UTP4: variants seen among roughly 807,000 people sequenced by gnomAD.
The protein encoded by UTP4 is UTP4 small subunit processome component.
A neutral mutation model predicts 82.4 loss-of-function variants in UTP4; 45 were observed. The ratio of observed to expected loss-of-function variants is 0.55; its 90% confidence interval spans 0.43 to 0.70. The LOEUF is 0.70. Among genes scored for constraint, UTP4 ranks in the 30% least tolerant of loss-of-function variants. The pLI is 0.00. For missense variants in UTP4, 819 were observed against 858.3 expected, an observed-to-expected ratio of 0.95 and a Z score of 0.57; for synonymous variants, 348 against 300.3, an observed-to-expected ratio of 1.16 and a Z score of -1.64.
chr16:69,147,085 G>A lies in UTP4; in HGVS notation c.739-3452G>A, dbSNP rs1597140103. On this transcript the variant is annotated intron_variant, in intron 6 of 16. Coordinates refer to ENST00000314423, the MANE Select transcript of UTP4 (RefSeq NM_032830.3). ...CCAGCTACTTGGGAGGCTGAGGCGG[G>A]AGAATTGCTTGAACCCGGGAGATAG... Among the ~76,000 whole-genome samples the A allele has an allele frequency of 2.0e-5, 3 of 150,404 alleles. No individual in the cohort carries two copies. The South Asian group carries it at 6.3e-4, about 31-fold the overall frequency.
In UTP4 at chr16:69,165,405, G is replaced by A. The variant is rs778961205; in HGVS notation, c.1712G>A (p.Gly571Asp). ...TGGAGCCGGACTGTCCAGAAGCAGG[G>A]CTTTCACCACCTTTGGCTCCAAAGG... is the stretch of plus-strand genomic sequence containing the variant. The part of the protein sequence containing the change: ...TDWSRTVQKQ[G>D]FHHLWLQRDT... Residue 571 changes from glycine (G) to aspartate (D), a missense_variant, in exon 15 of 17, where the codon GGC (glycine) becomes GAC (aspartate). Transcript: ENST00000314423. 6.2e-7 allele frequency: 1 copy of A among 1,614,060 alleles called. No homozygotes were observed. Among genetic ancestry groups the A allele is most frequent in the Admixed American group, 1.7e-5 (1 of 60,000 alleles).
At chr16:69,165,866 T>G (rs1359505049) in intron 15 of UTP4, 1 of 423,802 alleles carries the variant, frequency 2.4e-6, no homozygotes, top group Non-Finnish European at 4.4e-6. Flanking sequence ...TCCGGAAGTA[T>G]CATTGATTTG....
At chr16:69,136,279 A>G (rs1962812434) in intron 2 of UTP4, among the ~76,000 whole-genome samples, 1 of 152,226 alleles carries the variant, frequency 6.6e-6, no homozygotes. Flanking sequence ...CTATAATCCC[A>G]GGACTTTGGG....
chr16:69,155,997 A>G lies in UTP4; in HGVS notation c.1287+4A>G, dbSNP rs201384904. On this transcript the variant is annotated splice_donor_region_variant and intron_variant, in intron 11 of 16. Coordinates refer to ENST00000314423, the MANE Select transcript of UTP4 (RefSeq NM_032830.3). ...TGACAACATAAGCCTCAAAAGGGTA[A>G]GTGATAGTCCAATATCTGGTCACAT... 1,416 of 1,614,198 alleles carry G rather than the reference A, an allele frequency of 8.8e-4. 16 individuals carry two copies. The Middle Eastern group carries it at 0.011, about 12-fold the overall frequency.
At chr16:69,147,696 A>G (rs980212544) in intron 6 of UTP4, among the ~76,000 whole-genome samples, 1 of 152,156 alleles carries the variant, frequency 6.6e-6, no homozygotes, top group Non-Finnish European at 1.5e-5. Context: ...TATACAAGAA[A>G]TGCATTTATG....
chr16:69,161,702 G>A (rs1395999326), intron 13 of UTP4, among the ~76,000 whole-genome samples: 5 of 152,156 alleles, frequency 3.3e-5, no homozygotes, highest in Admixed American at 3.3e-4. Flanking sequence ...GTTTCACTCT[G>A]TCACCCAGAC....
intron 6 of UTP4, among the ~76,000 whole-genome samples, chr16:69,148,055 G>A (rs975731996): frequency 6.6e-6 from 1 of 151,828 alleles, no homozygotes; most frequent in Non-Finnish European, 1.5e-5. Context: ...CCTGGTTCAC[G>A]CCCCATTCTC....
intron 8 of UTP4, among the ~76,000 whole-genome samples, chr16:69,152,675 G>A (rs1243580531): frequency 6.6e-6 from 1 of 151,960 alleles, no homozygotes; most frequent in East Asian, 1.9e-4. Context: ...GTTTCACCAT[G>A]TTGGCCAGGC....
At chr16:69,139,949 T>C in intron 5 of UTP4, 35 bp downstream of exon 5, 4 of 1,449,574 alleles carry the variant, frequency 2.8e-6, no homozygotes, top group Non-Finnish European at 3.9e-6. Flanking sequence ...GGGGTGTGGG[T>C]TTTGTCAGAT....
At position 69,143,351 on chromosome 16, in the gene UTP4, A is replaced by C; in HGVS notation, c.700A>C (p.Ile234Leu). 2 of 1,614,190 alleles carry C rather than the reference A, an allele frequency of 1.2e-6. No individual in the cohort carries two copies. Among genetic ancestry groups the C allele is most frequent in the Non-Finnish European group, 1.7e-6 (2 of 1,180,028 alleles). The change falls in exon 6 of 17, where the codon ATC becomes CTC. Residue 234 changes from isoleucine to leucine, a missense_variant. Ile to Leu is a conservative substitution (Grantham distance 5, BLOSUM62 2). Transcript: ENST00000314423. ...ATGTLVKSHL[I>L]ANADVQSIAV... ...TGGGACGCTTGTGAAGAGCCATCTC[A>C]TCGCTAATGCTGACGTGCAGTCCAT...
Position 69,167,414 on chromosome 16 carries a change from A to C in UTP4, c.1944+229A>C, listed in dbSNP as rs1375007824. ...CATACTTAACCAAAATGAAATGCGT[A>C]AGTAGTGAGAAATGTTGGCGCTGAG... On this transcript the variant is annotated intron_variant, in intron 16 of 16. Transcript: ENST00000314423. 5.8e-6 allele frequency: 3 copies of C among 513,364 alleles called. No homozygotes were observed. The Admixed American group carries it at 9.6e-5, about 17-fold the overall frequency. The allele number at this position is 513,364 out of a possible 1,614,324, so 31.8% of individuals were successfully genotyped here.
intron 6 of UTP4, 98 bp from the exon 7 acceptor site, chr16:69,150,439 G>C: frequency 7.5e-7 from 1 of 1,338,900 alleles, no homozygotes; most frequent in East Asian, 2.3e-5. Flanking sequence ...CTGGGCATAG[G>C]TTTACCCCTA....
intron 5 of UTP4, 36 bp from the exon 6 acceptor site, chr16:69,143,142 A>G (rs372034609): frequency 1.1e-5 from 18 of 1,600,988 alleles, no homozygotes; most frequent in Non-Finnish European, 1.5e-5. Flanking sequence ...CAGAGAAATA[A>G]GTACCATTTG....
chr16:69,154,966 C>T (rs1033058937), intron 10 of UTP4, among the ~76,000 whole-genome samples: 3 of 152,020 alleles, frequency 2.0e-5, no homozygotes, highest in Admixed American at 6.6e-5. Context: ...GTGATCCGCC[C>T]GCCTTGGCCT....
intron 6 of UTP4, among the ~76,000 whole-genome samples, chr16:69,148,337 TC>T (rs1261919030): frequency 1.3e-5 from 2 of 151,856 alleles, no homozygotes; most frequent in African/African-American, 4.8e-5. Context: ...CTTCAAGTGA[TC>T]CGCCCGCCTC....
Position 69,167,101 on chromosome 16 carries a change from C to T in UTP4, c.1860C>T (p.Leu620=). The change falls in exon 16 of 17, where the codon CTC becomes CTT. Residue 620 remains leucine (L), a synonymous_variant. Coordinates refer to ENST00000314423, the MANE Select transcript of UTP4 (RefSeq NM_032830.3). ...SLPLPNDKTL[L]YNPFPPTNES... is the part of the protein sequence containing the mutation. The stretch of plus-strand genomic sequence containing the variant: ...CCCTTCCAAATGACAAAACCTTACT[C>T]TACAATCCATTTCCTCCCACGAATG... 6.2e-7 allele frequency: 1 copy of T among 1,613,944 alleles called. No individual in the cohort carries two copies. Among genetic ancestry groups the T allele is most frequent in the South Asian group, 1.1e-5 (1 of 91,086 alleles).
chr16:69,136,652 T>C, intron 2 of UTP4, 44 bp from the exon 3 acceptor site: 1 of 1,600,204 alleles, frequency 6.2e-7, no homozygotes, highest in Non-Finnish European at 8.6e-7. Flanking sequence ...TACCGGTACC[T>C]GATGAATTTG....
At chr16:69,154,886 G>A (rs1211785086) in intron 10 of UTP4, among the ~76,000 whole-genome samples, 2 of 151,812 alleles carry the variant, frequency 1.3e-5, no homozygotes, top group East Asian at 3.9e-4. Flanking sequence ...GCGCCACCAC[G>A]CCCGGCTAAT....
At chr16:69,138,775 A>G (rs191404944) in intron 4 of UTP4, among the ~76,000 whole-genome samples, 51 of 152,302 alleles carry the variant, frequency 3.3e-4, no homozygotes, top group African/African-American at 1.2e-3. Context: ...TACTGAAACT[A>G]ATGGGCAGGC....
Sources: allele counts gnomAD v4.1 joint callset (sites outside exome capture counted in the v4.1 genomes callset), GRCh38; gene constraint gnomAD v4.1.1; transcripts MANE v1.5; gene names NCBI Gene and HGNC (gene_info 2026-07-23, HGNC 2026-07-21).